The following DGKB variants were observed in gnomAD, a reference collection of about 807,000 sequenced individuals.
The protein encoded by DGKB is diacylglycerol kinase beta, also known as 90 kDa diacylglycerol kinase.
A neutral mutation model predicts 114.3 loss-of-function variants in DGKB; 67 were observed. That is an observed-to-expected ratio of 0.59 (90% CI 0.48 to 0.72). DGKB has a LOEUF of 0.72. DGKB is among the 30% of genes least tolerant of loss of function. The pLI is 0.00. For missense variants in DGKB, 907 were observed against 975.2 expected, an observed-to-expected ratio of 0.93 and a Z score of 0.93; for synonymous variants, 398 against 323.1, an observed-to-expected ratio of 1.23 and a Z score of -2.49.
intron 6 of DGKB, among the ~76,000 whole-genome samples, chr7:14,714,783 G>C (rs547597039): frequency 1.3e-5 from 2 of 152,160 alleles, no homozygotes; most frequent in Admixed American, 6.6e-5. Context: ...GAGCAAATAA[G>C]TTGAATGTCT....
At chr7:14,338,145 C>T (rs970825005) in intron 23 of DGKB, among the ~76,000 whole-genome samples, 1 of 152,100 alleles carries the variant, frequency 6.6e-6, no homozygotes, top group Non-Finnish European at 1.5e-5. Flanking sequence ...TCTTATAACA[C>T]AACCTTAGAA....
At chr7:14,714,498 G>C (rs1827874380) in intron 6 of DGKB, among the ~76,000 whole-genome samples, 1 of 151,896 alleles carries the variant, frequency 6.6e-6, no homozygotes, top group African/African-American at 2.4e-5. Context: ...TTTTCACTCT[G>C]AATCAGAAGA....
At chr7:14,454,468 T>G (rs1393454067) in intron 21 of DGKB, among the ~76,000 whole-genome samples, 1 of 152,124 alleles carries the variant, frequency 6.6e-6, no homozygotes, top group Non-Finnish European at 1.5e-5. Context: ...TCTGTGAGAT[T>G]GTCTTAAGAA....
At chr7:14,740,006 C>T (rs1832335448) in intron 4 of DGKB, among the ~76,000 whole-genome samples, 1 of 152,230 alleles carries the variant, frequency 6.6e-6, no homozygotes, top group Admixed American at 6.5e-5. Flanking sequence ...CGGCATCCAA[C>T]AGCCATGCAG....
chr7:14,255,774 G>A (rs910375222), intron 23 of DGKB, among the ~76,000 whole-genome samples: 2 of 150,342 alleles, frequency 1.3e-5, no homozygotes, highest in African/African-American at 2.5e-5. Flanking sequence ...GTGCAGCTAA[G>A]CTTTTAGTAT....
intron 23 of DGKB, among the ~76,000 whole-genome samples, chr7:14,181,869 C>A (rs533339054): frequency 6.6e-4 from 100 of 152,196 alleles, no homozygotes; most frequent in African/African-American, 2.3e-3. Context: ...CAGAGACAAG[C>A]TTTCATATTA....
chr7:14,725,470 A>G (rs1232100403), intron 5 of DGKB, among the ~76,000 whole-genome samples: 1 of 152,200 alleles, frequency 6.6e-6, no homozygotes, highest in Non-Finnish European at 1.5e-5. Flanking sequence ...TTATCACATG[A>G]AAAGAAATTC....
At chr7:14,269,567 C>G (rs867392282) in intron 23 of DGKB, among the ~76,000 whole-genome samples, 3 of 152,152 alleles carry the variant, frequency 2.0e-5, no homozygotes, top group Non-Finnish European at 4.4e-5. Context: ...CCTGACTCCA[C>G]CTCTGAGTCT....
chr7:14,334,789 G>C (rs1476898686), intron 23 of DGKB, among the ~76,000 whole-genome samples: 1 of 152,046 alleles, frequency 6.6e-6, no homozygotes, highest in African/African-American at 2.4e-5. Flanking sequence ...TTCAGAAGAG[G>C]GGGAGGAAAA....
chr7:14,830,037 A>G (rs565032554), intron 2 of DGKB, among the ~76,000 whole-genome samples: 1 of 152,192 alleles, frequency 6.6e-6, no homozygotes, highest in South Asian at 2.1e-4. Context: ...AAAATGTTTA[A>G]GGACCATTAT....
chr7:14,834,218 A>C (rs1456585763), intron 2 of DGKB, among the ~76,000 whole-genome samples: 1 of 152,196 alleles, frequency 6.6e-6, no homozygotes, highest in East Asian at 1.9e-4. Context: ...ATTACTAACA[A>C]AAATAAGAGC....
intron 14 of DGKB, among the ~76,000 whole-genome samples, chr7:14,627,143 T>C (rs556229833): frequency 6.6e-6 from 1 of 152,322 alleles, no homozygotes; most frequent in South Asian, 2.1e-4. Flanking sequence ...TACTGCTTGG[T>C]CATAGCAGTA....
chr7:14,566,265 T>C (rs1797368531), intron 20 of DGKB, among the ~76,000 whole-genome samples: 1 of 152,190 alleles, frequency 6.6e-6, no homozygotes, highest in Non-Finnish European at 1.5e-5. Context: ...ATTTTACTCA[T>C]ATGGCTTCAC....
At chr7:14,537,324 A>C (rs561418310) in intron 20 of DGKB, among the ~76,000 whole-genome samples, 78 of 152,314 alleles carry the variant, frequency 5.1e-4, no homozygotes, top group Middle Eastern at 3.4e-3. Context: ...ATAATTCTAA[A>C]ATTCATACAG....
chr7:14,678,632 A>G (rs769721210), intron 12 of DGKB, among the ~76,000 whole-genome samples: 1 of 152,038 alleles, frequency 6.6e-6, no homozygotes, highest in East Asian at 1.9e-4. Flanking sequence ...TGAGGGCTGC[A>G]TTTATTATCA....
chr7:14,867,402 T>C (rs993934273), intron 1 of DGKB, among the ~76,000 whole-genome samples: 1 of 151,702 alleles, frequency 6.6e-6, no homozygotes, highest in Admixed American at 6.6e-5. Context: ...GTGTGAAGAA[T>C]GTAAGGTCTA....
chr7:14,767,187 G>A (rs1355140376), intron 2 of DGKB, among the ~76,000 whole-genome samples: 4 of 151,360 alleles, frequency 2.6e-5, no homozygotes, highest in East Asian at 3.9e-4. Flanking sequence ...TTATTCAGTC[G>A]AGAGAGAAAA....
intron 21 of DGKB, among the ~76,000 whole-genome samples, chr7:14,407,992 C>T (rs950797925): frequency 1.3e-5 from 2 of 152,124 alleles, no homozygotes; most frequent in East Asian, 3.9e-4. Context: ...TCCCCCAATC[C>T]TCACAAACCA....
At chr7:14,310,215 AGT>A (rs1805149148) in intron 23 of DGKB, among the ~76,000 whole-genome samples, 1 of 152,144 alleles carries the variant, frequency 6.6e-6, no homozygotes, top group Non-Finnish European at 1.5e-5. Flanking sequence ...AAATATAAAG[AGT>A]GTGTTGTGGA....
Sources: gnomAD v4.1 joint callset for allele counts (sites outside exome capture counted in the v4.1 genomes callset) on GRCh38, gnomAD v4.1.1 for gene constraint, MANE v1.5 for transcripts, NCBI Gene and HGNC (gene_info 2026-07-23, HGNC 2026-07-21) for gene names.